Variants in SKAP2 observed in about 807,000 individuals in gnomAD.
The protein encoded by SKAP2 is src kinase associated phosphoprotein 2, also known as src kinase-associated phosphoprotein 2.
SKAP2 carries 28 observed loss-of-function variants against 54.9 expected under a neutral mutation model. That is an observed-to-expected ratio of 0.51 (90% CI 0.38 to 0.70). The LOEUF (loss-of-function observed/expected upper bound fraction) is 0.70, where lower values mean the gene tolerates loss of function less well. SKAP2 is among the 30% of genes least tolerant of loss of function. The pLI is 0.00. For synonymous variants in SKAP2, 137 were observed against 134.3 expected, an observed-to-expected ratio of 1.02 and a Z score of -0.14; for missense variants, 356 against 424.1, an observed-to-expected ratio of 0.84 and a Z score of 1.41.
intron 4 of SKAP2, among the ~76,000 whole-genome samples, chr7:26,811,914 A>C (rs747809509): frequency 4.6e-5 from 7 of 152,250 alleles, no homozygotes; most frequent in Non-Finnish European, 7.3e-5. Context: ...AATTTACCTT[A>C]TAAGTAAAAT....
chr7:26,750,448 T>A (rs746303235), intron 4 of SKAP2, among the ~76,000 whole-genome samples: 4 of 151,616 alleles, frequency 2.6e-5, no homozygotes, highest in African/African-American at 4.8e-5. Flanking sequence ...GTAGCTGGGA[T>A]TACAGGCATG....
intron 4 of SKAP2, among the ~76,000 whole-genome samples, chr7:26,762,017 C>T (rs1485929997): frequency 6.6e-6 from 1 of 152,080 alleles, no homozygotes; most frequent in African/African-American, 2.4e-5. Flanking sequence ...TCTTTTGAAC[C>T]ATAAAAATAA....
intron 4 of SKAP2, among the ~76,000 whole-genome samples, chr7:26,817,545 T>A (rs1314815329): frequency 6.6e-6 from 1 of 152,182 alleles, no homozygotes. Flanking sequence ...AGAATTCCAG[T>A]TGATACAATT....
At chr7:26,821,746 G>C (rs1466088362) in intron 4 of SKAP2, among the ~76,000 whole-genome samples, 1 of 151,982 alleles carries the variant, frequency 6.6e-6, no homozygotes, top group Non-Finnish European at 1.5e-5. Flanking sequence ...CAAGATTCAC[G>C]TTAAGCATAA....
At chr7:26,832,407 T>C (rs553224777) in intron 4 of SKAP2, among the ~76,000 whole-genome samples, 8 of 152,290 alleles carry the variant, frequency 5.3e-5, no homozygotes, top group Middle Eastern at 3.4e-3. Flanking sequence ...ATGATTCTAA[T>C]AGACTAGTTA....
intron 4 of SKAP2, among the ~76,000 whole-genome samples, chr7:26,754,539 G>A (rs573981770): frequency 2.6e-5 from 4 of 152,208 alleles, no homozygotes; most frequent in African/African-American, 4.8e-5. Context: ...TAGCCCAATC[G>A]TACATGGTCT....
chr7:26,788,106 G>A (rs1783596370), intron 4 of SKAP2, among the ~76,000 whole-genome samples: 1 of 152,198 alleles, frequency 6.6e-6, no homozygotes, highest in Non-Finnish European at 1.5e-5. Context: ...TAAGGAATGT[G>A]TGGACAAATA....
At chr7:26,698,750 C>G (rs188697600) in intron 9 of SKAP2, among the ~76,000 whole-genome samples, 1 of 152,272 alleles carries the variant, frequency 6.6e-6, no homozygotes, top group Admixed American at 6.5e-5. Context: ...ACTTGGGAAT[C>G]TGGCAGACAT....
intron 11 of SKAP2, among the ~76,000 whole-genome samples, chr7:26,670,969 A>G (rs2128083546): frequency 6.6e-6 from 1 of 152,154 alleles, no homozygotes; most frequent in South Asian, 2.1e-4. Flanking sequence ...TCTACCTCTA[A>G]AACAGAGTGG....
At chr7:26,848,993 C>T (rs1423235165) in intron 3 of SKAP2, among the ~76,000 whole-genome samples, 1 of 152,214 alleles carries the variant, frequency 6.6e-6, no homozygotes, top group Non-Finnish European at 1.5e-5. Flanking sequence ...TCATTTCAAA[C>T]ATGCTTAAGA....
chr7:26,783,221 T>C (rs1259529045), intron 4 of SKAP2, among the ~76,000 whole-genome samples: 1 of 152,200 alleles, frequency 6.6e-6, no homozygotes, highest in Non-Finnish European at 1.5e-5. Context: ...GACGTTGTTG[T>C]TGACTGTCTC....
intron 11 of SKAP2, among the ~76,000 whole-genome samples, chr7:26,679,788 G>C (rs2128085817): frequency 6.6e-6 from 1 of 152,280 alleles, no homozygotes; most frequent in East Asian, 1.9e-4. Context: ...AAAAGCCATA[G>C]TAACTTAACC....
intron 4 of SKAP2, among the ~76,000 whole-genome samples, chr7:26,835,457 C>T (rs750700346): frequency 3.9e-5 from 6 of 152,148 alleles, no homozygotes; most frequent in Non-Finnish European, 5.9e-5. Flanking sequence ...ATCATCTCTG[C>T]CCAAAATCTC....
rs552387160 is a variant in SKAP2 at position 26,857,671 on chromosome 7, G to A, written c.68-2781C>T. On this transcript the variant is annotated intron_variant, in intron 1 of 12. Transcript: ENST00000345317. ...TTAAACCCCAGGGTTCCTCTCAGGC[G>A]GAGCAGTGAGCATGGAGAGCCGGGT... 1.3e-5 allele frequency: 13 copies of A among 985,426 alleles called. No homozygotes were observed. In the African/African-American group the frequency reaches 1.9e-4, roughly 15 times the overall value. 61.0% of individuals were successfully genotyped at this position (985,426 alleles called of 1,614,324 possible).
In SKAP2 at chr7:26,864,398, T is replaced by A. The variant is rs199915571; in HGVS notation, c.32A>T (p.Tyr11Phe). MPNPSSTSSP[Y>F]PLPEEIRNLL... ...GTTCCTAATTTCCTCAGGGAGGGGG[T>A]AGGGAGAGGAGGTGCTGCTGGGGTT... is the stretch of plus-strand genomic sequence containing the variant. Residue 11 changes from tyrosine (Y) to phenylalanine (F), a missense_variant, in exon 1 of 13, where the codon TAC (tyrosine) becomes TTC (phenylalanine). Physicochemically the swap from Tyr to Phe is conservative, Grantham distance 22. Coordinates refer to ENST00000345317, the MANE Select transcript of SKAP2 (RefSeq NM_003930.5). 302 of 1,610,552 alleles carry A rather than the reference T, an allele frequency of 1.9e-4. 1 individual carries two copies. In the East Asian group the frequency reaches 6.7e-3, roughly 36 times the overall value.
intron 4 of SKAP2, among the ~76,000 whole-genome samples, chr7:26,782,107 A>G (rs1356574487): frequency 1.3e-5 from 2 of 152,328 alleles, no homozygotes; most frequent in Admixed American, 1.3e-4. Context: ...GATTCCCAAT[A>G]CTTGGCACAA....
chr7:26,720,482 T>C (rs1787555457), intron 9 of SKAP2, among the ~76,000 whole-genome samples: 3 of 152,246 alleles, frequency 2.0e-5, no homozygotes, highest in Admixed American at 1.3e-4. Flanking sequence ...CCCTATTTTA[T>C]GAATGATTTC....
intron 4 of SKAP2, among the ~76,000 whole-genome samples, chr7:26,761,003 T>C (rs1000002713): frequency 6.6e-6 from 1 of 152,178 alleles, no homozygotes; most frequent in African/African-American, 2.4e-5. Flanking sequence ...AGTGATCTTG[T>C]TGGGATATCA....
intron 4 of SKAP2, among the ~76,000 whole-genome samples, chr7:26,771,751 A>C (rs2127975159): frequency 6.6e-6 from 1 of 152,382 alleles, no homozygotes; most frequent in East Asian, 1.9e-4. Flanking sequence ...TATTGTGTAT[A>C]AAGCAAAAAT....
Sources: allele counts gnomAD v4.1 joint callset (sites outside exome capture counted in the v4.1 genomes callset), GRCh38; gene constraint gnomAD v4.1.1; transcripts MANE v1.5; gene names NCBI Gene and HGNC (gene_info 2026-07-23, HGNC 2026-07-21).